Variants in USH2A observed in about 807,000 individuals in gnomAD.
USH2A encodes the protein Usher syndrome 2A (autosomal recessive, mild).
Under a neutral mutation model 538.9 loss-of-function variants are expected in USH2A, and 443 were observed. The ratio of observed to expected loss-of-function variants is 0.82; its 90% CI spans 0.76 to 0.89. The LOEUF is 0.89. Ranked by LOEUF, USH2A falls within the 40% of genes least tolerant of loss-of-function variation. The pLI is 0.00. For synonymous variants in USH2A, 2,413 were observed against 2,273.5 expected (o/e 1.06, Z -1.75); for missense variants, 6,633 against 6,324.8 (o/e 1.05, Z -1.65).
At chr1:216,320,222 T>C (rs1296384438) in intron 9 of USH2A, among the ~76,000 whole-genome samples, 1 of 152,026 alleles carries the variant, frequency 6.6e-6, no homozygotes, top group Non-Finnish European at 1.5e-5. Context: ...TGTTAGTTCA[T>C]GGCTGTTTAG....
chr1:215,916,004 A>G (rs955322584), intron 38 of USH2A, among the ~76,000 whole-genome samples: 8 of 128,364 alleles, frequency 6.2e-5, no homozygotes, highest in African/African-American at 2.4e-4. Flanking sequence ...ACATGGACAC[A>G]TGAAGGGGAA....
chr1:216,377,911 AAGAG>A (rs1414770861), intron 3 of USH2A, among the ~76,000 whole-genome samples: 1 of 151,674 alleles, frequency 6.6e-6, no homozygotes, highest in Admixed American at 6.6e-5. Context: ...AAGAGAAAGA[AAGAG>A]AAAGAAAGAG....
intron 64 of USH2A, among the ~76,000 whole-genome samples, chr1:215,663,970 G>A (rs979279439): frequency 2.0e-5 from 3 of 152,142 alleles, no homozygotes; most frequent in Admixed American, 2.0e-4. Context: ...ACAGAGACAA[G>A]CTGAGATGGG....
At chr1:215,672,508 G>T (rs1401560401) in intron 63 of USH2A, among the ~76,000 whole-genome samples, 1 of 152,078 alleles carries the variant, frequency 6.6e-6, no homozygotes, top group African/African-American at 2.4e-5. Context: ...AGCTGTGTAT[G>T]GTAGATCTGA....
intron 46 of USH2A, 137 bp from the exon 47 acceptor site, chr1:215,838,240 C>A: frequency 1.4e-6 from 1 of 733,758 alleles, no homozygotes. Flanking sequence ...AATCAATATT[C>A]ATTTTTGATG....
chr1:216,390,341 G>A (rs1163510568), intron 3 of USH2A, among the ~76,000 whole-genome samples: 2 of 152,062 alleles, frequency 1.3e-5, no homozygotes, highest in Non-Finnish European at 2.9e-5. Context: ...AGATCTATAT[G>A]TCCCTTAAAT....
At chr1:216,132,577 T>C (rs1481380368) in intron 21 of USH2A, among the ~76,000 whole-genome samples, 4 of 152,086 alleles carry the variant, frequency 2.6e-5, no homozygotes, top group African/African-American at 9.7e-5. Context: ...TTCCCACACT[T>C]AGCCATCAAG....
In USH2A at chr1:215,634,469, T is replaced by C. The variant is rs774776998; in HGVS notation, c.15287A>G (p.Glu5096Gly). The change falls in exon 70 of 72, where the codon GAA (glutamate) becomes GGA (glycine). Residue 5096 changes from glutamate (E) to glycine (G), a missense_variant. Glu to Gly is a moderately conservative substitution (Grantham distance 98). Transcript: ENST00000307340. ...CCTCTACAAACATACCATATGGTTTTCCCCCGGTGGGTAAACATTCAATGG... is the reference window on the plus strand; with the variant it reads ...CCTCTACAAACATACCATATGGTTTCCCCCCGGTGGGTAAACATTCAATGG... The part of the protein sequence containing the change: ...MSPLNVYPPG[E>G]NHMGLADTKI... The C allele has an allele frequency of 6.2e-7, 1 of 1,614,186 alleles. No homozygotes were observed. The highest frequency in any genetic ancestry group is 8.5e-7 in the Non-Finnish European group (1 of 1,180,026).
intron 46 of USH2A, among the ~76,000 whole-genome samples, chr1:215,843,597 G>A (rs1239303268): frequency 6.6e-6 from 1 of 152,180 alleles, no homozygotes; most frequent in Non-Finnish European, 1.5e-5. Flanking sequence ...TTCTAAGGCA[G>A]AGTACACTGA....
chr1:215,774,795 A>T lies in USH2A; in HGVS notation c.10939+5048T>A, dbSNP rs1056895939. Among the ~76,000 whole-genome samples, 11 of 152,230 alleles carry T rather than the reference A, an allele frequency of 7.2e-5. No individual in the cohort carries two copies. In the South Asian group the frequency reaches 1.9e-3, roughly 26 times the overall value. On this transcript the variant is annotated intron_variant, in intron 55 of 71. Transcript: ENST00000307340. ...ATATCTGGGATTTAAGGGGAATTTT[A>T]AAAAATATCATTGTCTAGGCAGCTA...
Position 215,888,640 on chromosome 1 carries a change from G to C in USH2A, c.8009C>G (p.Thr2670Ser), listed in dbSNP as rs758382005. Residue 2670 changes from threonine (T) to serine (S), a missense_variant, in exon 41 of 72, where the codon ACT (threonine) becomes AGT (serine). By Grantham distance (58) the Thr-to-Ser change is moderately conservative (BLOSUM62 1). Coordinates refer to ENST00000307340, the MANE Select transcript of USH2A (RefSeq NM_206933.4). ...ERRVKGKEEV[T>S]TLVTLPRSHS... is the part of the protein sequence containing the mutation. The stretch of plus-strand genomic sequence containing the variant: ...ACTCCTCGGGAGAGTCACCAGGGTA[G>C]TAACTTCTTCCTTTCCTTTGACTCT... 5 of 1,614,066 alleles carry C rather than the reference G, an allele frequency of 3.1e-6. No homozygotes were observed. In the Admixed American group the frequency reaches 8.3e-5, roughly 27 times the overall value.
rs1019480435 is a variant in USH2A at position 215,624,438 on chromosome 1, T to G, written c.*1343A>C. The G allele has an allele frequency of 6.6e-6, 1 of 152,170 alleles. No homozygotes were observed. The highest frequency in any genetic ancestry group is 2.4e-5 in the African/African-American group (1 of 41,456). 9.4% of individuals were successfully genotyped at this position (152,170 alleles called of 1,614,324 possible). On this transcript the variant is annotated 3_prime_UTR_variant, in exon 72 of 72. Coordinates refer to ENST00000307340, the MANE Select transcript of USH2A (RefSeq NM_206933.4). ...GTTTTTGCCTGTCTCTGGTTGTAGA[T>G]TCACAAAAAGTATTGTGACTATTGT...
chr1:215,942,066 C>A (rs986555034), intron 37 of USH2A, among the ~76,000 whole-genome samples: 2 of 152,086 alleles, frequency 1.3e-5, no homozygotes, highest in East Asian at 3.9e-4. Flanking sequence ...TTGGCCAGGA[C>A]TGAAATCCCA....
At chr1:216,026,090 T>A (rs947624578) in intron 32 of USH2A, among the ~76,000 whole-genome samples, 1 of 152,120 alleles carries the variant, frequency 6.6e-6, no homozygotes, top group African/African-American at 2.4e-5. Context: ...AAACTCGAAC[T>A]ATTTTTCTCC....
intron 38 of USH2A, among the ~76,000 whole-genome samples, chr1:215,908,780 T>C (rs1329817447): frequency 1.3e-5 from 2 of 151,860 alleles, no homozygotes; most frequent in East Asian, 1.9e-4. Context: ...CTGACATTGA[T>C]GGATACAGAA....
chr1:216,421,783 G>A (rs1194675860), intron 2 of USH2A, 69 bp downstream of exon 2: 7 of 1,610,662 alleles, frequency 4.3e-6, no homozygotes, highest in Non-Finnish European at 1.7e-6. Flanking sequence ...TTGGAATTCA[G>A]GCTGAAATGA....
At position 215,650,622 on chromosome 1, in the gene USH2A, G is replaced by A; in HGVS notation, c.14313C>T (p.Phe4771=). ...PNGIVSLYRL[F]SSSAHGAETV... is the part of the protein sequence containing the mutation. ...TCTCAGCCCCATGGGCGCTGCTGGAGAACAGCCTGTAGAGACTGACGATCC... is the reference window on the plus strand; with the variant it reads ...TCTCAGCCCCATGGGCGCTGCTGGAAAACAGCCTGTAGAGACTGACGATCC... The change falls in exon 65 of 72, where the codon TTC becomes TTT. Residue 4771 remains phenylalanine (F), a synonymous_variant. Transcript: ENST00000307340. 2 of 1,614,198 alleles carry A rather than the reference G, an allele frequency of 1.2e-6. No individual in the cohort carries two copies. The highest frequency in any genetic ancestry group is 1.7e-6 in the Non-Finnish European group (2 of 1,180,034).
chr1:216,047,862 T>G (rs1226842692), intron 31 of USH2A, among the ~76,000 whole-genome samples: 1 of 152,240 alleles, frequency 6.6e-6, no homozygotes, highest in Non-Finnish European at 1.5e-5. Flanking sequence ...AGCTGTTATT[T>G]CTTGAAGTGA....
rs1657808228 is a variant in USH2A, at chr1:215,671,291, T to C, written c.13814A>G (p.Tyr4605Cys). 6.2e-7 allele frequency: 1 copy of C among 1,613,960 alleles called. No individual in the cohort carries two copies. Among genetic ancestry groups the C allele is most frequent in the African/African-American group, 1.3e-5 (1 of 74,956 alleles). ...GGTGCACGCTTGAATTCGTATTTCATACCTTCAGGACATAAGGCAGAAATT... is the reference window on the plus strand; with the variant it reads ...GGTGCACGCTTGAATTCGTATTTCACACCTTCAGGACATAAGGCAGAAATT... ...IVNQLKPFHRYEIRIQACTTL... is the reference protein window; with the variant it reads ...IVNQLKPFHRCEIRIQACTTL... The change falls in exon 64 of 72, where the codon TAT becomes TGT. Residue 4605 changes from tyrosine (Y) to cysteine (C), a missense_variant and splice_region_variant. Transcript: ENST00000307340.
Sources: gnomAD v4.1 joint callset for allele counts (sites outside exome capture counted in the v4.1 genomes callset) on GRCh38, gnomAD v4.1.1 for gene constraint, MANE v1.5 for transcripts, NCBI Gene and HGNC (gene_info 2026-07-23, HGNC 2026-07-21) for gene names.